MFSD2B: variants seen among roughly 807,000 people sequenced by gnomAD.
The protein encoded by MFSD2B is sphingosine-1-phosphate transporter MFSD2B.
A neutral mutation model predicts 58.4 loss-of-function variants in MFSD2B; 56 were observed. That is an observed-to-expected ratio of 0.96 (90% CI 0.77 to 1.20). The LOEUF (loss-of-function observed/expected upper bound fraction) is 1.20. Ranked by LOEUF, MFSD2B falls within the 50% of genes most tolerant of loss-of-function variation. The probability of loss-of-function intolerance (pLI) is 0.00; values close to 1 mark genes in which losing one functional copy is unlikely to be tolerated. For missense variants in MFSD2B, 645 were observed against 667.6 expected, an observed-to-expected ratio of 0.97 and a Z score of 0.37; for synonymous variants, 287 against 294.4, an observed-to-expected ratio of 0.97 and a Z score of 0.26.
chr2:24,019,829 T>C (rs1662698230), intron 6 of MFSD2B, among the ~76,000 whole-genome samples: 2 of 152,174 alleles, frequency 1.3e-5, no homozygotes, highest in South Asian at 4.1e-4. Flanking sequence ...CCTCTAGGTG[T>C]CCACTAAGCA....
chr2:24,013,028 CG>C (rs1377902747), intron 1 of MFSD2B: 3 of 337,736 alleles, frequency 8.9e-6, no homozygotes, highest in Admixed American at 8.5e-5. Flanking sequence ...TAAATGATGG[CG>C]GCTTCAGCAG....
In MFSD2B at chr2:24,023,882, G is replaced by A. The variant is rs1278362806; in HGVS notation, c.1313+156G>A. Among the ~76,000 whole-genome samples the A allele has an allele frequency of 3.3e-5, 5 of 152,196 alleles. No individual in the cohort carries two copies. The highest frequency in any genetic ancestry group is 7.3e-5 in the Non-Finnish European group (5 of 68,038). On this transcript the variant is annotated intron_variant, in intron 12 of 13. Transcript: ENST00000338315. This position sits in a 1 kb window ranked among gnomAD's most constrained non-coding sequence, Gnocchi z 5.0. The stretch of plus-strand genomic sequence containing the variant: ...GGGAACCACTTCCCCAGGTTTCTCT[G>A]TGCATGAGACTGAGAGGGCCAGCTC...
In MFSD2B at chr2:24,018,612, TC is replaced by T. The variant is rs1304624585; in HGVS notation, c.681+1029del. The T allele has an allele frequency of 1.7e-5, 3 of 179,810 alleles. No homozygotes were observed. The East Asian group carries it at 2.7e-4, about 16-fold the overall frequency. 11.1% of individuals were successfully genotyped at this position (179,810 alleles called of 1,614,324 possible). A position where few individuals can be genotyped will look rare whatever the true frequency, so the allele number is the denominator to read the frequency against. On this transcript the variant is annotated intron_variant, in intron 6 of 13. Coordinates refer to ENST00000338315, the MANE Select transcript of MFSD2B (RefSeq NM_001346880.2). ...CATAATGGGTGTAGGGGCCACCTCC[TC>T]CCCCTGTTCTGTTGGGGAGGGGTAG...
In MFSD2B at chr2:24,021,817, C is replaced by T. The variant is rs185798712; in HGVS notation, c.773-32C>T. 5.0e-4 allele frequency: 804 copies of T among 1,613,238 alleles called. 4 individuals are homozygous for T. In the African/African-American group the frequency reaches 8.8e-3, roughly 18 times the overall value. Reference sequence around the variant, plus strand: ...GGGCAGGTTTTGCTTTTGAACTCTGCGAAGCCAAGGTGACACGCTTCTGCG... The same window carrying T: ...GGGCAGGTTTTGCTTTTGAACTCTGTGAAGCCAAGGTGACACGCTTCTGCG... On this transcript the variant is annotated intron_variant, in intron 7 of 13. Transcript: ENST00000338315. The surrounding 1 kb of genome is among the most constrained non-coding windows in gnomAD (Gnocchi z 5.7).
chr2:24,018,681 T>C (rs1193373050), intron 6 of MFSD2B: 1 of 177,584 alleles, frequency 5.6e-6, no homozygotes, highest in African/African-American at 2.4e-5. Context: ...TGGTTTCCTA[T>C]TTGCAGTTAC....
At position 24,026,575 on chromosome 2, in the gene MFSD2B, C is replaced by T. The variant is rs935477325; in HGVS notation, c.*1119C>T. 6.6e-6 allele frequency: 1 copy of T among 152,120 alleles called. No homozygotes were observed. Among genetic ancestry groups the T allele is most frequent in the African/African-American group, 2.4e-5 (1 of 41,420 alleles). The allele number at this position is 152,120 out of a possible 1,614,324, so 9.4% of individuals were successfully genotyped here. ...TCATCAATGATTTAATCAATTGTGC[C>T]CATGTAATGGAGCCTCCACTTCCAA... On this transcript the variant is annotated 3_prime_UTR_variant, in exon 14 of 14. Transcript: ENST00000338315.
chr2:24,012,145 A>C lies in MFSD2B; in HGVS notation c.97-1140A>C, dbSNP rs1708974637. Among the ~76,000 whole-genome samples, 1 of 138,816 alleles carries C rather than the reference A, an allele frequency of 7.2e-6. No individual in the cohort carries two copies. The highest frequency in any genetic ancestry group is 1.5e-5 in the Non-Finnish European group (1 of 64,518). The allele number at this position is 138,816 out of a possible 152,430, so 91.1% of individuals were successfully genotyped here. On this transcript the variant is annotated intron_variant, in intron 1 of 13. Coordinates refer to ENST00000338315, the MANE Select transcript of MFSD2B (RefSeq NM_001346880.2). This position sits in a 1 kb window ranked among gnomAD's most constrained non-coding sequence, Gnocchi z 4.5. Reference sequence around the variant, plus strand: ...TGGATCTGGAAACAAACAAACAAACAAACAAAACACACACACACACACACA... The same window carrying C: ...TGGATCTGGAAACAAACAAACAAACCAACAAAACACACACACACACACACA...
chr2:24,013,235 C>T (rs1395183101), intron 1 of MFSD2B, 50 bp from the exon 2 acceptor site: 7 of 1,530,894 alleles, frequency 4.6e-6, no homozygotes, highest in African/African-American at 1.4e-5. Context: ...GGTGTGGGGA[C>T]CTGTTTTGTG....
At chr2:24,013,448 TC>T (rs759366895) in intron 2 of MFSD2B, 38 bp downstream of exon 2, 3 of 1,561,382 alleles carry the variant, frequency 1.9e-6, no homozygotes, top group Middle Eastern at 2.2e-4. Flanking sequence ...GCTGGCATCT[TC>T]CTTGGGGTCT....
intron 6 of MFSD2B, among the ~76,000 whole-genome samples, chr2:24,019,314 G>C (rs568317449): frequency 6.6e-5 from 10 of 152,198 alleles, no homozygotes; most frequent in Admixed American, 2.0e-4. Context: ...TCTAGGGACC[G>C]GGCCCAGCAA....
chr2:24,025,450 G>A lies in MFSD2B; in HGVS notation c.1509G>A (p.Leu503=). 1 of 1,536,058 alleles carries A rather than the reference G, an allele frequency of 6.5e-7. No homozygotes were observed. Among genetic ancestry groups the A allele is most frequent in the East Asian group, 2.4e-5 (1 of 40,906 alleles). ...LSLRRRTSYS[L]A The stretch of plus-strand genomic sequence containing the variant: ...CCCACAGGAGGACCAGCTACAGCCT[G>A]GCCTAAAGCTTAGGAGGGCGACTGT... Residue 503 remains leucine, a synonymous_variant, in exon 14 of 14, where the codon CTG becomes CTA. Transcript: ENST00000338315.
Position 24,022,513 on chromosome 2 carries a change from C to A in MFSD2B, c.975C>A (p.Val325=). ...ACGTCCAGGGCCTGGTACTAACTGTCCTGGTGAGGGGGCCTGGGGTGGTGG... is the reference window on the plus strand; with the variant it reads ...ACGTCCAGGGCCTGGTACTAACTGTACTGGTGAGGGGGCCTGGGGTGGTGG... ...HDHVQGLVLT[V]LVSAVLSTPL... The change falls in exon 9 of 14, where the codon GTC becomes GTA. Residue 325 remains valine (V), a synonymous_variant. Transcript: ENST00000338315. The surrounding 1 kb of genome is among the most constrained non-coding windows in gnomAD (Gnocchi z 4.5). The A allele has an allele frequency of 6.2e-7, 1 of 1,612,414 alleles. No individual in the cohort carries two copies. The highest frequency in any genetic ancestry group is 1.1e-5 in the South Asian group (1 of 90,564).
At position 24,023,542 on chromosome 2, in the gene MFSD2B, G is replaced by A. The variant is rs1662875570; in HGVS notation, c.1170-41G>A. On this transcript the variant is annotated intron_variant, in intron 11 of 13. Transcript: ENST00000338315. This position sits in a 1 kb window ranked among gnomAD's most constrained non-coding sequence, Gnocchi z 5.0. Reference sequence around the variant, plus strand: ...CCAGAGAATTCACAGGCTGCTGGTGGCCAAGGGGCTAGGAGGGCTAACTCC... The same window carrying A: ...CCAGAGAATTCACAGGCTGCTGGTGACCAAGGGGCTAGGAGGGCTAACTCC... 6.3e-7 allele frequency: 1 copy of A among 1,589,134 alleles called. No homozygotes were observed. The highest frequency in any genetic ancestry group is 1.3e-5 in the African/African-American group (1 of 74,406).
chr2:24,010,213 C>T, intron 1 of MFSD2B, 21 bp downstream of exon 1: 3 of 1,363,522 alleles, frequency 2.2e-6, no homozygotes, highest in South Asian at 1.7e-5. Flanking sequence ...CGGCGGGGAC[C>T]GGGAAGGGGC....
chr2:24,010,591 C>T (rs1708919660), intron 1 of MFSD2B, among the ~76,000 whole-genome samples: 1 of 152,222 alleles, frequency 6.6e-6, no homozygotes, highest in African/African-American at 2.4e-5. Context: ...GCCTCCCTCC[C>T]AGACCCTGGC....
chr2:24,022,973 G>A lies in MFSD2B; in HGVS notation c.1059+71G>A, dbSNP rs1462690421. On this transcript the variant is annotated intron_variant, in intron 10 of 13. Transcript: ENST00000338315. This position sits in a 1 kb window ranked among gnomAD's most constrained non-coding sequence, Gnocchi z 4.5. ...GGTGAGCGAGGTGACCTTGGTGCCTGAGCCTCCTGGGGCCAGCAGGGGTGG... is the reference window on the plus strand; with the variant it reads ...GGTGAGCGAGGTGACCTTGGTGCCTAAGCCTCCTGGGGCCAGCAGGGGTGG... The A allele has an allele frequency of 6.8e-7, 1 of 1,469,760 alleles. No homozygotes were observed. Among genetic ancestry groups the A allele is most frequent in the Non-Finnish European group, 9.4e-7 (1 of 1,065,100 alleles). 91.0% of individuals were successfully genotyped at this position (1,469,760 alleles called of 1,614,324 possible). A position where few individuals can be genotyped will look rare whatever the true frequency, so the allele number is the denominator to read the frequency against.
rs1027840849 is a variant in MFSD2B at position 24,024,417 on chromosome 2, C to T, written c.1490+146C>T. On this transcript the variant is annotated intron_variant, in intron 13 of 13. Coordinates refer to ENST00000338315, the MANE Select transcript of MFSD2B (RefSeq NM_001346880.2). The surrounding 1 kb of genome is among the most constrained non-coding windows in gnomAD (Gnocchi z 4.3). The stretch of plus-strand genomic sequence containing the variant: ...CTTAGCTCAGGGTCACCCTTTTCTC[C>T]TGGATTTTCTTCTCCCACTCTGGCC... The T allele has an allele frequency of 1.2e-6, 1 of 819,602 alleles. No individual in the cohort carries two copies. Among genetic ancestry groups the T allele is most frequent in the East Asian group, 2.7e-5 (1 of 37,282 alleles). The allele number at this position is 819,602 out of a possible 1,614,324, so 50.8% of individuals were successfully genotyped here.
rs1053870708 is a variant in MFSD2B, at chr2:24,012,433, G to A, written c.97-852G>A. Among the ~76,000 whole-genome samples, 5 of 152,160 alleles carry A rather than the reference G, an allele frequency of 3.3e-5. No individual in the cohort carries two copies. Among genetic ancestry groups the A allele is most frequent in the Non-Finnish European group, 7.3e-5 (5 of 68,032 alleles). On this transcript the variant is annotated intron_variant, in intron 1 of 13. Transcript: ENST00000338315. This position sits in a 1 kb window ranked among gnomAD's most constrained non-coding sequence, Gnocchi z 4.5. ...TAATTTTTGTGTTTCTAGTAGAGAT[G>A]GGGTTTTGCCATGTTGGGCAGGCTG...
Position 24,022,965 on chromosome 2 carries a change from T to G in MFSD2B, c.1059+63T>G. On this transcript the variant is annotated intron_variant, in intron 10 of 13. Coordinates refer to ENST00000338315, the MANE Select transcript of MFSD2B (RefSeq NM_001346880.2). This position sits in a 1 kb window ranked among gnomAD's most constrained non-coding sequence, Gnocchi z 4.5. ...AGGGGAGAGGTGAGCGAGGTGACCT[T>G]GGTGCCTGAGCCTCCTGGGGCCAGC... 1.3e-6 allele frequency: 2 copies of G among 1,505,474 alleles called. No homozygotes were observed. The highest frequency in any genetic ancestry group is 2.4e-5 in the South Asian group (2 of 82,198). The allele number at this position is 1,505,474 out of a possible 1,614,324, so 93.3% of individuals were successfully genotyped here.
Sources: gnomAD v4.1 joint callset for allele counts (sites outside exome capture counted in the v4.1 genomes callset) on GRCh38, gnomAD v4.1.1 for gene constraint, Gnocchi (gnomAD v3.1) non-coding constraint, MANE v1.5 for transcripts, NCBI Gene and HGNC (gene_info 2026-07-23, HGNC 2026-07-21) for gene names.